The following THAP5 variants were observed in gnomAD, a reference collection of about 807,000 sequenced individuals.
THAP5 encodes THAP domain containing 5.
In THAP5, 26 loss-of-function variants were observed where a neutral mutation model predicts 34.0. The observed-to-expected ratio is 0.77, with a 90% CI of 0.56 to 1.06. THAP5 has a LOEUF of 1.06. THAP5 is among the 50% of genes least tolerant of loss of function. The pLI is 0.00. For synonymous variants in THAP5, 125 were observed against 153.0 expected, an observed-to-expected ratio of 0.82 and a Z score of 1.35; for missense variants, 394 against 452.8, an observed-to-expected ratio of 0.87 and a Z score of 1.18.
the THAP5 span, among the ~76,000 whole-genome samples, chr7:108,549,027 C>T: frequency 2.0e-5 from 3 of 151,698 alleles, no homozygotes; most frequent in Admixed American, 2.0e-4. Context: ...GAGTCAACCG[C>T]TTCTAATCAT....
the THAP5 span, among the ~76,000 whole-genome samples, chr7:108,546,605 T>C: frequency 2.0e-5 from 3 of 152,164 alleles, no homozygotes; most frequent in African/African-American, 7.2e-5. Flanking sequence ...TATCTAAGTT[T>C]GGAAGCAAGT....
In THAP5 at chr7:108,564,381, T is replaced by C. The variant is rs777732476; in HGVS notation, c.998A>G (p.His333Arg). 7.4e-6 allele frequency: 12 copies of C among 1,613,706 alleles called. No homozygotes were observed. In the African/African-American group the frequency reaches 1.3e-4, roughly 18 times the overall value. ...TAGCTTAGAGACTTTCTGCCAAAGA[T>C]GTTCCTTATTTATATCTTGTCTGCA... ...SYCRQDINKE[H>R]LWQKVSKLHS... is the part of the protein sequence containing the mutation. The change falls in exon 3 of 3, where the codon CAT (histidine) becomes CGT (arginine). Residue 333 changes from histidine to arginine, a missense_variant. By Grantham distance (29) the His-to-Arg change is conservative. Coordinates refer to ENST00000415914, the MANE Select transcript of THAP5 (RefSeq NM_001130475.3).
downstream of THAP5, among the ~76,000 whole-genome samples, chr7:108,549,848 A>T (rs1272437115): frequency 6.6e-6 from 1 of 152,200 alleles, no homozygotes; most frequent in Non-Finnish European, 1.5e-5. Flanking sequence ...TCATTTGAAG[A>T]ACTCGATGTT....
rs560539656 is a variant in THAP5, at chr7:108,563,896, CTA to C, written c.*293_*294del. On this transcript the variant is annotated 3_prime_UTR_variant, in exon 3 of 3. Transcript: ENST00000415914. ...CAGGACTGATTCCTGAACCTGACTT[CTA>C]GTCTGTGCTCTTTGAACACTTCTTT... 8.9e-4 allele frequency: 187 copies of C among 209,274 alleles called. 1 individual carries two copies. Among genetic ancestry groups the C allele is most frequent in the African/African-American group, 4.1e-3 (179 of 43,550 alleles). 13.0% of individuals were successfully genotyped at this position (209,274 alleles called of 1,614,324 possible).
In THAP5 at chr7:108,564,193, A is replaced by G; in HGVS notation, c.1186T>C (p.Ter396GlnextTer3). The G allele has an allele frequency of 3.8e-6, 6 of 1,571,972 alleles. No homozygotes were observed. The highest frequency in any genetic ancestry group is 5.2e-6 in the Non-Finnish European group (6 of 1,162,006). The change falls in exon 3 of 3, where the codon TAG becomes CAG. Residue 396 changes from the stop codon to glutamine, a stop_lost. Coordinates refer to ENST00000415914, the MANE Select transcript of THAP5 (RefSeq NM_001130475.3). ...CATAGTTTTAAAACCTAGTTATTCTATATCATAGTGACTTCATATGTTGTA... is the reference window on the plus strand; with the variant it reads ...CATAGTTTTAAAACCTAGTTATTCTGTATCATAGTGACTTCATATGTTGTA... ...HFTTYEVTMI[*>Q]
At chr7:108,549,767 G>C (rs946560394), downstream of THAP5, among the ~76,000 whole-genome samples, 1 of 152,118 alleles carries the variant, frequency 6.6e-6, no homozygotes, top group African/African-American at 2.4e-5. Flanking sequence ...CCCCAGATGA[G>C]TGAGTTTCCT....
downstream of THAP5, among the ~76,000 whole-genome samples, chr7:108,560,930 A>C (rs2154517985): frequency 6.6e-6 from 1 of 152,058 alleles, no homozygotes; most frequent in South Asian, 2.1e-4. Context: ...TAGAGATGGG[A>C]TCTATGTTGC....
downstream of THAP5, among the ~76,000 whole-genome samples, chr7:108,557,530 A>C (rs1864395331): frequency 6.6e-6 from 1 of 152,224 alleles, no homozygotes; most frequent in African/African-American, 2.4e-5. Flanking sequence ...GAGCAGGGGC[A>C]CAATGCCACC....
chr7:108,551,096 T>C (rs1290087047), downstream of THAP5, among the ~76,000 whole-genome samples: 2 of 152,250 alleles, frequency 1.3e-5, no homozygotes, highest in Non-Finnish European at 2.9e-5. Flanking sequence ...AAATGCAATA[T>C]AGCCTTTGCT....
rs927670616 is a variant in THAP5, at chr7:108,562,999, C to T, written c.*1192G>A. ...GAATAAGCACATATTTTAAAGGCCA[C>T]ACCTACTAAGAAACAGATACAAACT... On this transcript the variant is annotated 3_prime_UTR_variant, in exon 3 of 3. Coordinates refer to ENST00000415914, the MANE Select transcript of THAP5 (RefSeq NM_001130475.3). 4 of 140,448 alleles carry T rather than the reference C, an allele frequency of 2.8e-5. No homozygotes were observed. The highest frequency in any genetic ancestry group is 7.8e-5 in the African/African-American group (3 of 38,388). The allele number at this position is 140,448 out of a possible 1,614,324, so 8.7% of individuals were successfully genotyped here. A position where few individuals can be genotyped will look rare whatever the true frequency, so the allele number is the denominator to read the frequency against.
the THAP5 span, among the ~76,000 whole-genome samples, chr7:108,545,192 A>G: frequency 6.6e-6 from 1 of 152,228 alleles, no homozygotes; most frequent in Non-Finnish European, 1.5e-5. Flanking sequence ...ATGAATTGAT[A>G]TAAGATTTAA....
chr7:108,552,263 CT>C (rs772607721), downstream of THAP5, among the ~76,000 whole-genome samples: 22 of 151,558 alleles, frequency 1.5e-4, no homozygotes, highest in East Asian at 2.1e-3. Flanking sequence ...AACCAATCCT[CT>C]TTTTTTTTAC....
In THAP5 at chr7:108,569,530, G is replaced by C. The variant is rs1052247942; in HGVS notation, c.40C>G (p.Arg14Gly). 10 of 1,551,762 alleles carry C rather than the reference G, an allele frequency of 6.4e-6. No individual in the cohort carries two copies. In the Admixed American group the frequency reaches 2.0e-4, roughly 30 times the overall value. Residue 14 changes from arginine (R) to glycine (G), a missense_variant, in exon 1 of 3, where the codon CGG (arginine) becomes GGG (glycine). By Grantham distance (125) the Arg-to-Gly change is moderately radical. Transcript: ENST00000415914. ...YCAAICCKNR[R>G]GRNNKDRKLS... ...TTCCGGTCTTTATTGTTTCGTCCCCGGCGGTTCTTACAACAAATCGCTGCG... is the reference window on the plus strand; with the variant it reads ...TTCCGGTCTTTATTGTTTCGTCCCCCGCGGTTCTTACAACAAATCGCTGCG...
At position 108,569,702 on chromosome 7, in the gene THAP5, C is replaced by T. The variant is rs1386565452; in HGVS notation, c.-133G>A. Reference sequence around the variant, plus strand: ...TAGCATTCTGCCGGGAAAGCCGCCTCGTCTGTCGACTCACTTCCGCCTCCT... The same window carrying T: ...TAGCATTCTGCCGGGAAAGCCGCCTTGTCTGTCGACTCACTTCCGCCTCCT... On this transcript the variant is annotated 5_prime_UTR_variant, in exon 1 of 3. Coordinates refer to ENST00000415914, the MANE Select transcript of THAP5 (RefSeq NM_001130475.3). The T allele has an allele frequency of 8.3e-6, 10 of 1,201,360 alleles. No individual in the cohort carries two copies. In the East Asian group the frequency reaches 1.0e-4, roughly 12 times the overall value. The allele number at this position is 1,201,360 out of a possible 1,614,324, so 74.4% of individuals were successfully genotyped here.
At chr7:108,548,490 G>A in the THAP5 span, among the ~76,000 whole-genome samples, 377 of 152,266 alleles carry the variant, frequency 2.5e-3, 1 homozygote, top group African/African-American at 8.3e-3. Flanking sequence ...GGCAAATGAA[G>A]GCTTTCTAGA....
downstream of THAP5, among the ~76,000 whole-genome samples, chr7:108,559,516 A>G (rs1864411543): frequency 6.6e-6 from 1 of 152,232 alleles, no homozygotes; most frequent in African/African-American, 2.4e-5. Flanking sequence ...TGATGTGCTA[A>G]CAGATTAATG....
rs778296904 is a variant in THAP5 at position 108,564,841 on chromosome 7, A to G, written c.538T>C (p.Leu180=). The G allele has an allele frequency of 6.2e-7, 1 of 1,612,794 alleles. No individual in the cohort carries two copies. The highest frequency in any genetic ancestry group is 1.1e-5 in the South Asian group (1 of 90,922). The change falls in exon 3 of 3, where the codon TTG becomes CTG. Residue 180 remains leucine, a synonymous_variant. Coordinates refer to ENST00000415914, the MANE Select transcript of THAP5 (RefSeq NM_001130475.3). Reference sequence around the variant, plus strand: ...GTATCTTGGTTAACTGATGTTTCCAAGGTAGATTCTGGTTTCCCAGTATGT... The same window carrying G: ...GTATCTTGGTTAACTGATGTTTCCAGGGTAGATTCTGGTTTCCCAGTATGT... The part of the protein sequence containing the change: ...KQHTGKPEST[L]ETSVNQDTGR...
chr7:108,560,709 C>T (rs1235700263), downstream of THAP5, among the ~76,000 whole-genome samples: 1 of 152,140 alleles, frequency 6.6e-6, no homozygotes, highest in Non-Finnish European at 1.5e-5. Flanking sequence ...CAGATGTCTT[C>T]CAGAACCAAT....
chr7:108,549,127 C>CACACA, the THAP5 span, among the ~76,000 whole-genome samples: 1 of 125,856 alleles, frequency 7.9e-6, no homozygotes, highest in African/African-American at 2.8e-5. Flanking sequence ...CACACACACA[C>CACACA]AAGTACTTTT....
Sources: gnomAD v4.1 joint callset for allele counts (sites outside exome capture counted in the v4.1 genomes callset) on GRCh38, gnomAD v4.1.1 for gene constraint, MANE v1.5 for transcripts, NCBI Gene and HGNC (gene_info 2026-07-23, HGNC 2026-07-21) for gene names.